The following PLA1A variants were observed in gnomAD, a reference collection of about 807,000 sequenced individuals.
The protein encoded by PLA1A is phosphatidylserine-specific phospholipase A1alpha.
In PLA1A, 47 loss-of-function variants were observed where a neutral mutation model predicts 49.4. That is an observed-to-expected ratio of 0.95 (90% CI 0.75 to 1.21). The LOEUF is 1.21. Among genes scored for constraint, PLA1A ranks in the 50% most tolerant of loss-of-function variants. The pLI, the probability that PLA1A is intolerant of heterozygous loss-of-function variation, is 0.00. For synonymous variants in PLA1A, 224 were observed against 207.9 expected, an observed-to-expected ratio of 1.08 and a Z score of -0.67; for missense variants, 561 against 563.9, an observed-to-expected ratio of 0.99 and a Z score of 0.05.
intron 5 of PLA1A, among the ~76,000 whole-genome samples, chr3:119,615,687 G>T (rs1028622218): frequency 6.6e-6 from 1 of 152,052 alleles, no homozygotes; most frequent in East Asian, 1.9e-4. Context: ...GGTGGCATCC[G>T]CCTGTAATCC....
intron 6 of PLA1A, among the ~76,000 whole-genome samples, chr3:119,617,605 T>C (rs148584140): frequency 0.013 from 2,038 of 151,920 alleles, 56 homozygotes; most frequent in African/African-American, 0.046. Flanking sequence ...TTGTGAGGCA[T>C]GGTGGTGTGC....
intron 1 of PLA1A, among the ~76,000 whole-genome samples, chr3:119,599,679 C>T (rs1250247289): frequency 6.6e-6 from 1 of 152,152 alleles, no homozygotes; most frequent in Non-Finnish European, 1.5e-5. Context: ...ATGTGGGAAT[C>T]ATTCTAGATG....
intron 1 of PLA1A, among the ~76,000 whole-genome samples, chr3:119,602,366 A>T (rs1447600904): frequency 6.6e-6 from 1 of 152,106 alleles, no homozygotes; most frequent in Non-Finnish European, 1.5e-5. Flanking sequence ...TTTCTTGACT[A>T]AGTTTTGGTA....
chr3:119,612,413 C>T (rs190804123), intron 4 of PLA1A, among the ~76,000 whole-genome samples: 34 of 152,302 alleles, frequency 2.2e-4, no homozygotes, highest in African/African-American at 7.5e-4. Flanking sequence ...AGAAATTTAG[C>T]TATTGTTATT....
intron 7 of PLA1A, among the ~76,000 whole-genome samples, chr3:119,618,699 C>T (rs565536397): frequency 5.3e-5 from 8 of 152,258 alleles, no homozygotes; most frequent in African/African-American, 1.9e-4. Context: ...GCCAGGAAGG[C>T]TGCAGGATCT....
intron 2 of PLA1A, 57 bp from the exon 3 acceptor site, chr3:119,608,713 A>G: frequency 7.5e-7 from 1 of 1,325,186 alleles, no homozygotes; most frequent in Non-Finnish European, 1.1e-6. Context: ...GGTTTCCATG[A>G]CAATGAATAT....
chr3:119,608,750 T>G lies in PLA1A; in HGVS notation c.276-20T>G, dbSNP rs201244962. Reference sequence around the variant, plus strand: ...CACTTGGCAGGTAATTTTTCCATTCTTTTTTGGCCCCCTGTCTAGGGTTTT... The same window carrying G: ...CACTTGGCAGGTAATTTTTCCATTCGTTTTTGGCCCCCTGTCTAGGGTTTT... On this transcript the variant is annotated intron_variant, in intron 2 of 10. Transcript: ENST00000273371. 6 of 1,574,474 alleles carry G rather than the reference T, an allele frequency of 3.8e-6. No homozygotes were observed. In the Admixed American group the frequency reaches 5.2e-5, roughly 14 times the overall value.
rs747870078 is a variant in PLA1A at position 119,618,024 on chromosome 3, A to G, written c.760A>G (p.Ser254Gly). ...TGTGTTTTTTCTCTGTTCAGGTTATAGTTATCTGATCTGTGATCACATGAG... is the reference window on the plus strand; with the variant it reads ...TGTGTTTTTTCTCTGTTCAGGTTATGGTTATCTGATCTGTGATCACATGAG... ...GCPTFFYAGY[S>G]YLICDHMRAV... The change falls in exon 7 of 11, where the codon AGT becomes GGT. Residue 254 changes from serine to glycine, a missense_variant. By Grantham distance (56) the Ser-to-Gly change is moderately conservative. Transcript: ENST00000273371. 6.0e-5 allele frequency: 96 copies of G among 1,609,970 alleles called. No homozygotes were observed. The highest frequency in any genetic ancestry group is 8.4e-5 in the Admixed American group (5 of 59,270).
chr3:119,598,478 TG>T (rs945170306), intron 1 of PLA1A: 4 of 152,432 alleles, frequency 2.6e-5, no homozygotes, highest in African/African-American at 9.6e-5. Flanking sequence ...TAACCTCAGA[TG>T]CCCCTGGGAA....
chr3:119,605,658 G>C (rs2082676592), intron 1 of PLA1A, among the ~76,000 whole-genome samples: 1 of 152,214 alleles, frequency 6.6e-6, no homozygotes, highest in African/African-American at 2.4e-5. Context: ...TGCTGCTCCT[G>C]CCAGTCTCCC....
intron 5 of PLA1A, among the ~76,000 whole-genome samples, chr3:119,614,995 CA>C (rs2082825860): frequency 6.6e-6 from 1 of 152,092 alleles, no homozygotes; most frequent in South Asian, 2.1e-4. Context: ...TAGACAGATT[CA>C]AAATATGTTT....
chr3:119,600,292 G>A (rs1408957700), intron 1 of PLA1A: 4 of 680,860 alleles, frequency 5.9e-6, no homozygotes, highest in Non-Finnish European at 1.1e-5. Context: ...GTTTTTCCTT[G>A]GACTGTGGAG....
intron 4 of PLA1A, among the ~76,000 whole-genome samples, chr3:119,611,371 G>C (rs1446858382): frequency 6.6e-6 from 1 of 152,164 alleles, no homozygotes; most frequent in Non-Finnish European, 1.5e-5. Context: ...TTGGTAATTT[G>C]GTAGGGATAG....
intron 5 of PLA1A, among the ~76,000 whole-genome samples, chr3:119,615,087 T>TC (rs1328995434): frequency 6.6e-6 from 1 of 152,196 alleles, no homozygotes; most frequent in East Asian, 1.9e-4. Flanking sequence ...GGCTTATAGG[T>TC]CATTGCTTAA....
At position 119,615,939 on chromosome 3, in the gene PLA1A, G is replaced by T. The variant is rs928850143; in HGVS notation, c.665-73G>T. 18 of 916,966 alleles carry T rather than the reference G, an allele frequency of 2.0e-5. No homozygotes were observed. The Admixed American group carries it at 3.4e-4, about 17-fold the overall frequency. 56.8% of individuals were successfully genotyped at this position (916,966 alleles called of 1,614,324 possible). On this transcript the variant is annotated intron_variant, in intron 5 of 10. Coordinates refer to ENST00000273371, the MANE Select transcript of PLA1A (RefSeq NM_015900.4). ...TGGCAGAGAGTGGGTGGGCTCCCAA[G>T]GTCAGAGTTTGAGGTCCGCTGTGAG...
Position 119,616,030 on chromosome 3 carries a change from C to T in PLA1A, c.683C>T (p.Pro228Leu). ...TDTDNLGIRI[P>L]VGHVDYFVNG... ...CTTTCAGATTTGGGTATTCGGATTC[C>T]CGTTGGACATGTGGACTACTTCGTC... The change falls in exon 6 of 11, where the codon CCC (proline) becomes CTC (leucine). Residue 228 changes from proline (P) to leucine (L), a missense_variant. By Grantham distance (98) the Pro-to-Leu change is moderately conservative (BLOSUM62 -3). Coordinates refer to ENST00000273371, the MANE Select transcript of PLA1A (RefSeq NM_015900.4). 6.2e-7 allele frequency: 1 copy of T among 1,612,306 alleles called. No homozygotes were observed. The highest frequency in any genetic ancestry group is 8.5e-7 in the Non-Finnish European group (1 of 1,178,430).
intron 5 of PLA1A, among the ~76,000 whole-genome samples, chr3:119,614,033 C>T (rs932429048): frequency 2.0e-5 from 3 of 152,198 alleles, no homozygotes; most frequent in African/African-American, 4.8e-5. Context: ...GTCTGCTCCA[C>T]GGCAAATGCC....
intron 1 of PLA1A, among the ~76,000 whole-genome samples, chr3:119,604,309 G>A (rs953583291): frequency 3.9e-5 from 6 of 152,124 alleles, no homozygotes; most frequent in Admixed American, 6.5e-5. Flanking sequence ...GCACTCTCAC[G>A]TTTATTTCAG....
At chr3:119,603,083 G>T (rs367708758) in intron 1 of PLA1A, among the ~76,000 whole-genome samples, 1 of 152,180 alleles carries the variant, frequency 6.6e-6, no homozygotes, top group African/African-American at 2.4e-5. Flanking sequence ...CTCAGTTAGG[G>T]CCTTACAGTC....
Sources: allele counts gnomAD v4.1 joint callset (sites outside exome capture counted in the v4.1 genomes callset), GRCh38; gene constraint gnomAD v4.1.1; transcripts MANE v1.5; gene names NCBI Gene and HGNC (gene_info 2026-07-23, HGNC 2026-07-21).